ADGRV1: variants seen among roughly 807,000 people sequenced by gnomAD.
ADGRV1 encodes adhesion G protein-coupled receptor V1.
In ADGRV1, 359 loss-of-function variants were observed where a neutral mutation model predicts 596.2. The ratio of observed to expected loss-of-function variants is 0.60; its 90% CI spans 0.55 to 0.66. ADGRV1 has a LOEUF of 0.66. Ranked by LOEUF, ADGRV1 falls within the 30% of genes least tolerant of loss-of-function variation. ADGRV1 has a pLI of 0.00. For synonymous variants in ADGRV1, 2,681 were observed against 2,679.2 expected (o/e 1.00, Z -0.02); for missense variants, 7,274 against 7,575.6 (o/e 0.96, Z 1.48).
At chr5:90,682,841 T>C (rs1031995535) in intron 27 of ADGRV1, among the ~76,000 whole-genome samples, 1 of 145,950 alleles carries the variant, frequency 6.9e-6, no homozygotes, top group Non-Finnish European at 1.5e-5. Flanking sequence ...ATTCTTAACA[T>C]ATTATTGACA....
intron 25 of ADGRV1, among the ~76,000 whole-genome samples, chr5:90,677,042 C>T (rs771975312): frequency 1.1e-4 from 17 of 152,064 alleles, no homozygotes; most frequent in South Asian, 4.1e-4. Context: ...GGAATACATA[C>T]GATATGCATT....
At chr5:91,126,971 G>T (rs1276996315) in intron 87 of ADGRV1, among the ~76,000 whole-genome samples, 1 of 152,196 alleles carries the variant, frequency 6.6e-6, no homozygotes, top group Non-Finnish European at 1.5e-5. Context: ...GAACAGCCAG[G>T]TGTCTGTTCT....
intron 87 of ADGRV1, among the ~76,000 whole-genome samples, chr5:91,143,473 C>T (rs1294454213): frequency 1.3e-5 from 2 of 152,152 alleles, no homozygotes; most frequent in African/African-American, 4.8e-5. Flanking sequence ...TCGCAGTGCT[C>T]CTCTCCGCAG....
chr5:90,783,377 C>G, intron 66 of ADGRV1, 52 bp downstream of exon 66: 1 of 1,173,720 alleles, frequency 8.5e-7, no homozygotes. Flanking sequence ...GTATTGTGTT[C>G]AAACTCTTAC....
intron 83 of ADGRV1, among the ~76,000 whole-genome samples, chr5:90,895,653 C>A (rs1422644822): frequency 2.0e-5 from 3 of 152,132 alleles, no homozygotes; most frequent in African/African-American, 7.2e-5. Context: ...TATCTGTCGC[C>A]TTTTCAGCAA....
chr5:90,668,575 G>A (rs956597797), intron 21 of ADGRV1, among the ~76,000 whole-genome samples: 3 of 151,982 alleles, frequency 2.0e-5, no homozygotes, highest in African/African-American at 4.8e-5. Context: ...CGTCTTCTGC[G>A]TTGCTCATGC....
chr5:90,817,291 T>G lies in ADGRV1; in HGVS notation c.16196+1555T>G, dbSNP rs866229426. 1.4e-3 allele frequency among the ~76,000 whole-genome samples: 218 copies of G among 151,580 alleles called. 2 individuals carry two copies. Among genetic ancestry groups the G allele is most frequent in the African/African-American group, 4.8e-3 (195 of 40,884 alleles). ...TTTTTTCTTGTAAATTTGTTTGAGT[T>G]CATTGTAGATTCTGGATATTAGCCC... On this transcript the variant is annotated intron_variant, in intron 75 of 89. Coordinates refer to ENST00000405460, the MANE Select transcript of ADGRV1 (RefSeq NM_032119.4).
chr5:90,566,051 C>T (rs546506111), intron 1 of ADGRV1, among the ~76,000 whole-genome samples: 14 of 151,972 alleles, frequency 9.2e-5, no homozygotes, highest in African/African-American at 3.4e-4. Flanking sequence ...AAGAGTTCTT[C>T]GCATACTCTA....
chr5:90,753,102 C>CCTAT (rs1411049245), intron 53 of ADGRV1, among the ~76,000 whole-genome samples: 1 of 152,104 alleles, frequency 6.6e-6, no homozygotes, highest in Non-Finnish European at 1.5e-5. Context: ...TGTATCTCTC[C>CCTAT]CTATCTTTCT....
At chr5:91,162,887 T>G (rs1797072029) in intron 89 of ADGRV1, among the ~76,000 whole-genome samples, 1 of 152,162 alleles carries the variant, frequency 6.6e-6, no homozygotes, top group African/African-American at 2.4e-5. Context: ...GTTTTTCACT[T>G]TCCTCCTTGT....
intron 87 of ADGRV1, among the ~76,000 whole-genome samples, chr5:91,149,328 T>C (rs762153130): frequency 6.6e-6 from 1 of 152,206 alleles, no homozygotes; most frequent in Admixed American, 6.5e-5. Context: ...AATTGGATCA[T>C]GGAGGCAGTT....
At chr5:91,069,270 A>T (rs1263367942) in intron 85 of ADGRV1, among the ~76,000 whole-genome samples, 1 of 152,204 alleles carries the variant, frequency 6.6e-6, no homozygotes, top group African/African-American at 2.4e-5. Context: ...TGACCCCAAA[A>T]GCAATTGCAA....
chr5:91,134,963 C>G (rs991405953), intron 87 of ADGRV1, among the ~76,000 whole-genome samples: 1 of 152,020 alleles, frequency 6.6e-6, no homozygotes, highest in Admixed American at 6.5e-5. Flanking sequence ...GGGCAGATCA[C>G]TTGAGGTCAG....
At chr5:90,795,389 G>T (rs1268654265) in intron 70 of ADGRV1, among the ~76,000 whole-genome samples, 1 of 152,182 alleles carries the variant, frequency 6.6e-6, no homozygotes, top group African/African-American at 2.4e-5. Flanking sequence ...CCAACAGAAA[G>T]TTCGAACTGG....
intron 86 of ADGRV1, among the ~76,000 whole-genome samples, chr5:91,094,701 G>A (rs1346533033): frequency 6.6e-6 from 1 of 152,148 alleles, no homozygotes; most frequent in East Asian, 1.9e-4. Flanking sequence ...GGGCATCAGG[G>A]TAAATCGGTG....
intron 78 of ADGRV1, among the ~76,000 whole-genome samples, chr5:90,844,867 G>C (rs1765731026): frequency 6.6e-6 from 1 of 152,188 alleles, no homozygotes; most frequent in Admixed American, 6.5e-5. Context: ...TTTTAATAAT[G>C]TTGGGAGTTC....
At chr5:91,104,943 TCCA>T (rs1791725849) in intron 87 of ADGRV1, among the ~76,000 whole-genome samples, 1 of 142,896 alleles carries the variant, frequency 7.0e-6, no homozygotes, top group South Asian at 2.4e-4. Flanking sequence ...CACTGCAACC[TCCA>T]CTTCAGGCTC....
intron 79 of ADGRV1, among the ~76,000 whole-genome samples, chr5:90,852,310 G>A (rs76304897): frequency 0.024 from 3,673 of 152,244 alleles, 158 homozygotes; most frequent in African/African-American, 0.083. Flanking sequence ...CATTTCCTAC[G>A]TCTGGGGTCT....
intron 70 of ADGRV1, among the ~76,000 whole-genome samples, chr5:90,795,538 G>A (rs1462271002): frequency 1.3e-5 from 2 of 152,230 alleles, no homozygotes; most frequent in Non-Finnish European, 2.9e-5. Context: ...CTGGCACAGA[G>A]CACCTGGGGG....
Sources: allele counts gnomAD v4.1 joint callset (sites outside exome capture counted in the v4.1 genomes callset), GRCh38; gene constraint gnomAD v4.1.1; transcripts MANE v1.5; gene names NCBI Gene and HGNC (gene_info 2026-07-23, HGNC 2026-07-21).